SLC24A3: variants seen among roughly 807,000 people sequenced by gnomAD.
The protein encoded by SLC24A3 is solute carrier family 24 member 3.
In SLC24A3, 28 loss-of-function variants were observed where a neutral mutation model predicts 75.8. The observed-to-expected ratio is 0.37, with a 90% CI of 0.27 to 0.51. The LOEUF is 0.51. Ranked by LOEUF, SLC24A3 falls within the 20% of genes least tolerant of loss-of-function variation. The pLI, the probability that SLC24A3 is intolerant of heterozygous loss-of-function variation, is 0.94. For missense variants in SLC24A3, 663 were observed against 847.8 expected, an observed-to-expected ratio of 0.78 and a Z score of 2.71; for synonymous variants, 372 against 334.1, an observed-to-expected ratio of 1.11 and a Z score of -1.24.
chr20:19,710,884 T>C (rs2032979672), intron 15 of SLC24A3, among the ~76,000 whole-genome samples: 1 of 152,266 alleles, frequency 6.6e-6, no homozygotes, highest in Non-Finnish European at 1.5e-5. Flanking sequence ...ATGCAAATTA[T>C]GCCTCAATTA....
At chr20:19,631,825 T>C (rs1293186964) in intron 6 of SLC24A3, among the ~76,000 whole-genome samples, 2 of 148,358 alleles carry the variant, frequency 1.3e-5, no homozygotes, top group Non-Finnish European at 3.0e-5. Flanking sequence ...TGTGTGTGTA[T>C]GTAACCACAA....
chr20:19,348,161 G>T (rs547954024), intron 2 of SLC24A3, among the ~76,000 whole-genome samples: 24 of 152,294 alleles, frequency 1.6e-4, no homozygotes, highest in African/African-American at 5.8e-4. Context: ...GAAGCCAAGG[G>T]CTCCCTGATG....
chr20:19,249,200 A>G (rs1982579552), intron 1 of SLC24A3, among the ~76,000 whole-genome samples: 1 of 152,156 alleles, frequency 6.6e-6, no homozygotes, highest in Admixed American at 6.5e-5. Flanking sequence ...TTTGAGAACC[A>G]AAGTGTTTTA....
intron 6 of SLC24A3, among the ~76,000 whole-genome samples, chr20:19,593,558 T>G (rs1193392642): frequency 6.6e-6 from 1 of 152,178 alleles, no homozygotes; most frequent in Non-Finnish European, 1.5e-5. Context: ...AAGACATTGT[T>G]GAGAAAAGAG....
intron 2 of SLC24A3, among the ~76,000 whole-genome samples, chr20:19,515,274 C>T (rs144194686): frequency 2.0e-5 from 3 of 152,294 alleles, no homozygotes; most frequent in African/African-American, 4.8e-5. Flanking sequence ...TCTGTGGGGC[C>T]GAGCCCCAGG....
chr20:19,465,446 C>T (rs183808096), intron 2 of SLC24A3, among the ~76,000 whole-genome samples: 63 of 150,160 alleles, frequency 4.2e-4, no homozygotes, highest in African/African-American at 1.0e-3. Flanking sequence ...TGTTCTTTCA[C>T]GTGGTTTGCT....
chr20:19,393,208 C>T (rs1986395586), intron 2 of SLC24A3, among the ~76,000 whole-genome samples: 1 of 152,150 alleles, frequency 6.6e-6, no homozygotes, highest in African/African-American at 2.4e-5. Context: ...TGACATCATT[C>T]TTTATGATGA....
intron 2 of SLC24A3, among the ~76,000 whole-genome samples, chr20:19,500,743 A>G (rs1453747964): frequency 1.3e-5 from 2 of 152,234 alleles, no homozygotes; most frequent in Non-Finnish European, 2.9e-5. Context: ...AAACATCGTT[A>G]CAAGAACTCA....
At chr20:19,532,749 C>T (rs2030325676) in intron 3 of SLC24A3, among the ~76,000 whole-genome samples, 1 of 152,196 alleles carries the variant, frequency 6.6e-6, no homozygotes, top group African/African-American at 2.4e-5. Flanking sequence ...TGGCAACCCT[C>T]AGAGCTAGGT....
chr20:19,260,474 T>A (rs536252356), intron 1 of SLC24A3, among the ~76,000 whole-genome samples: 1 of 152,284 alleles, frequency 6.6e-6, no homozygotes, highest in East Asian at 1.9e-4. Context: ...CAGCACATAA[T>A]CTCCCTGAGG....
At chr20:19,354,741 TG>T (rs1225005415) in intron 2 of SLC24A3, among the ~76,000 whole-genome samples, 1 of 151,862 alleles carries the variant, frequency 6.6e-6, no homozygotes, top group African/African-American at 2.4e-5. Context: ...TGCACTAGAG[TG>T]GCTTAAGTTT....
chr20:19,481,092 C>A (rs1482981309), intron 2 of SLC24A3, among the ~76,000 whole-genome samples: 3 of 152,112 alleles, frequency 2.0e-5, no homozygotes, highest in Admixed American at 1.3e-4. Flanking sequence ...CAGGGCATTG[C>A]GACAGGAACT....
intron 7 of SLC24A3, among the ~76,000 whole-genome samples, chr20:19,662,035 T>C (rs1447159827): frequency 6.6e-6 from 1 of 152,160 alleles, no homozygotes; most frequent in African/African-American, 2.4e-5. Flanking sequence ...TTCATTCCTG[T>C]TGAACATTTA....
intron 3 of SLC24A3, among the ~76,000 whole-genome samples, chr20:19,517,555 G>A (rs2030020072): frequency 6.6e-6 from 1 of 152,184 alleles, no homozygotes; most frequent in South Asian, 2.1e-4. Flanking sequence ...CTAAGAATGG[G>A]CATGAGTCTA....
intron 13 of SLC24A3, chr20:19,696,576 G>A: frequency 4.5e-6 from 2 of 440,662 alleles, no homozygotes; most frequent in Admixed American, 3.6e-5. Flanking sequence ...CCAATGTTTT[G>A]TTGGAAAGTT....
chr20:19,652,478 TGAGA>T (rs1241073548), intron 6 of SLC24A3, among the ~76,000 whole-genome samples: 4 of 152,220 alleles, frequency 2.6e-5, no homozygotes, highest in Non-Finnish European at 5.9e-5. Flanking sequence ...TTTACAGTAC[TGAGA>T]GAGAATGAAA....
intron 11 of SLC24A3, among the ~76,000 whole-genome samples, 179 bp downstream of exon 11, chr20:19,684,515 C>T (rs1388616400): frequency 6.6e-6 from 1 of 152,192 alleles, no homozygotes; most frequent in Non-Finnish European, 1.5e-5. Context: ...CTTGCTCTTC[C>T]CTCCACGTGT....
At chr20:19,289,131 T>G (rs2122233324) in intron 2 of SLC24A3, among the ~76,000 whole-genome samples, 1 of 152,250 alleles carries the variant, frequency 6.6e-6, no homozygotes, top group East Asian at 1.9e-4. Context: ...TATTGCATAT[T>G]TTTAATGTCA....
At chr20:19,488,100 G>A (rs541540169) in intron 2 of SLC24A3, among the ~76,000 whole-genome samples, 20 of 152,296 alleles carry the variant, frequency 1.3e-4, no homozygotes, top group Admixed American at 3.9e-4. Flanking sequence ...AGACTTTCTC[G>A]TACCAAACAA....
Sources: allele counts gnomAD v4.1 joint callset (sites outside exome capture counted in the v4.1 genomes callset), GRCh38; gene constraint gnomAD v4.1.1; transcripts MANE v1.5; gene names NCBI Gene and HGNC (gene_info 2026-07-23, HGNC 2026-07-21).